Variants in POLA1 observed in about 807,000 individuals in gnomAD.
POLA1 encodes the protein DNA polymerase alpha 1, catalytic subunit, also known as DNA polymerase alpha catalytic subunit.
A neutral mutation model predicts 124.0 loss-of-function variants in POLA1; 15 were observed. The ratio of observed to expected loss-of-function variants is 0.12; its 90% CI spans 0.08 to 0.19. The LOEUF (loss-of-function observed/expected upper bound fraction) is 0.19. Among genes scored for constraint, POLA1 ranks in the 10% least tolerant of loss-of-function variants. The pLI, the probability that POLA1 is intolerant of heterozygous loss-of-function variation, is 1.00. For synonymous variants in POLA1, 408 were observed against 389.4 expected (o/e 1.05, Z -0.56); for missense variants, 886 against 1,103.4 (o/e 0.80, Z 2.79).
At chrX:24,831,805 A>G (rs763111824) in intron 32 of POLA1, among the ~76,000 whole-genome samples, 2 of 112,609 alleles carry the variant, frequency 1.8e-5, no homozygotes, top group Admixed American at 1.9e-4. Flanking sequence ...GTTAAAGGAA[A>G]TCTTATCAGC....
intron 36 of POLA1, among the ~76,000 whole-genome samples, chrX:24,948,688 A>C (rs2047997468): frequency 8.9e-6 from 1 of 112,703 alleles, no homozygotes; most frequent in South Asian, 3.6e-4. Context: ...TCAATATAAT[A>C]GAAACCTTTT....
chrX:24,775,074 GTTTT>G (rs202004787), intron 26 of POLA1: 4 of 108,636 alleles, frequency 3.7e-5, no homozygotes, highest in Non-Finnish European at 7.7e-5. Flanking sequence ...TAAATTATGT[GTTTT>G]TTTTTCTTTT....
At chrX:24,716,295 G>A in intron 6 of POLA1, 67 bp from the exon 7 acceptor site, 1 of 577,202 alleles carries the variant, frequency 1.7e-6, no homozygotes, top group East Asian at 3.3e-5. Flanking sequence ...AATGAGTGAA[G>A]AAGTATACTT....
intron 33 of POLA1, 184 bp downstream of exon 33, chrX:24,842,014 C>G (rs1396458657): frequency 2.7e-6 from 1 of 375,789 alleles, no homozygotes; most frequent in Non-Finnish European, 4.5e-6. Flanking sequence ...TTTGAAAACT[C>G]TTACTTGAAT....
chrX:24,750,021 T>C (rs1396309839), intron 26 of POLA1, among the ~76,000 whole-genome samples: 3 of 112,190 alleles, frequency 2.7e-5, no homozygotes, highest in Non-Finnish European at 5.6e-5. Flanking sequence ...CTGAATGCTC[T>C]AGAGCAGTGG....
rs1569317038 is a variant in POLA1 at position 24,801,920 on chromosome X, G to GTGT, written c.2965-7978_2965-7977insTGT. Reference sequence around the variant, plus strand: ...AGAAACAGAGCCACTAGGAGAGGTGGGTGGGTGTGTGTGTGTGTGTGTGTG... The same window carrying GTGT: ...AGAAACAGAGCCACTAGGAGAGGTGGTGTGTGGGTGTGTGTGTGTGTGTGTGTG... On this transcript the variant is annotated intron_variant, in intron 26 of 36. Coordinates refer to ENST00000379068, the MANE Select transcript of POLA1 (RefSeq NM_001330360.2). 8.2e-4 allele frequency among the ~76,000 whole-genome samples: 39 copies of GTGT among 47,509 alleles called. 1 individual carries two copies. The highest frequency in any genetic ancestry group is 3.9e-3 in the African/African-American group (36 of 9,291). The allele number at this position is 47,509 out of a possible 115,157, so 41.3% of individuals were successfully genotyped here.
chrX:24,986,811 T>C (rs1332266273), intron 36 of POLA1, among the ~76,000 whole-genome samples: 1 of 110,503 alleles, frequency 9.0e-6, no homozygotes, highest in East Asian at 2.8e-4. Context: ...TCACTCTGCT[T>C]TCTCAGATTT....
At chrX:24,869,784 T>A (rs955097574) in intron 34 of POLA1, among the ~76,000 whole-genome samples, 2 of 110,927 alleles carry the variant, frequency 1.8e-5, no homozygotes, top group Non-Finnish European at 3.8e-5. Context: ...ACAAACTTTT[T>A]GTCCTCTTAT....
In POLA1 at chrX:24,753,133, C is replaced by G. The variant is rs1328628095; in HGVS notation, c.2964+4141C>G. Among the ~76,000 whole-genome samples, 51 of 108,495 alleles carry G rather than the reference C, an allele frequency of 4.7e-4. 2 individuals carry two copies. Among genetic ancestry groups the G allele is most frequent in the Non-Finnish European group, 1.7e-4 (9 of 52,394 alleles). 94.2% of individuals were successfully genotyped at this position (108,495 alleles called of 115,157 possible). ...TTCACGCCATTCTACTCTCCCTCAG[C>G]CTCCCGAGTAGCTGGGACTACACTA... On this transcript the variant is annotated intron_variant, in intron 26 of 36. Coordinates refer to ENST00000379068, the MANE Select transcript of POLA1 (RefSeq NM_001330360.2).
chrX:24,854,820 C>T (rs1422854981), intron 34 of POLA1, among the ~76,000 whole-genome samples: 38 of 106,505 alleles, frequency 3.6e-4, no homozygotes, highest in African/African-American at 1.2e-3. Context: ...CAGAGTGGGA[C>T]TCCATCTCAA....
Position 24,715,107 on chromosome X carries a change from G to C in POLA1, c.463-34G>C, listed in dbSNP as rs994223059. 6.8e-6 allele frequency: 7 copies of C among 1,031,457 alleles called. No homozygotes were observed. The African/African-American group carries it at 7.4e-5, about 11-fold the overall frequency. 85.0% of individuals were successfully genotyped at this position (1,031,457 alleles called of 1,213,427 possible). On this transcript the variant is annotated intron_variant, in intron 5 of 36. Coordinates refer to ENST00000379068, the MANE Select transcript of POLA1 (RefSeq NM_001330360.2). ...TTTGGTGAGACATTTTAAGTGCAAG[G>C]CTTTCTCATGTTACCTTTCTTTATC...
intron 26 of POLA1, among the ~76,000 whole-genome samples, chrX:24,786,052 A>G (rs1437999127): frequency 8.9e-6 from 1 of 112,493 alleles, no homozygotes; most frequent in Non-Finnish European, 1.9e-5. Context: ...TTTATGGCCA[A>G]ATAATATATT....
chrX:24,802,430 A>G (rs1231081310), intron 26 of POLA1, among the ~76,000 whole-genome samples: 1 of 111,899 alleles, frequency 8.9e-6, no homozygotes, highest in African/African-American at 3.3e-5. Context: ...TTGAAGGTGC[A>G]TGTAGGAAGT....
In POLA1 at chrX:24,693,977, G is replaced by A. The variant is rs1927786590; in HGVS notation, c.16G>A (p.Gly6Ser). Reference sequence around the variant, plus strand: ...ATTCGGGACCATGGCACCTGTGCACGGCGACGACTGTGAGATAGGGGCGAG... The same window carrying A: ...ATTCGGGACCATGGCACCTGTGCACAGCGACGACTGTGAGATAGGGGCGAG... MAPVH[G>S]DDCEIGASAL... is the part of the protein sequence containing the mutation. The change falls in exon 1 of 37, where the codon GGC becomes AGC. Residue 6 changes from glycine to serine, a missense_variant. Gly to Ser is a moderately conservative substitution (Grantham distance 56). Around this residue, in one of 7 missense-constraint regions of POLA1, gnomAD observed 49 missense variants for 39.2 expected, o/e 1.25. Transcript: ENST00000379068. The A allele has an allele frequency of 4.2e-6, 5 of 1,194,479 alleles. No individual in the cohort carries two copies. Among genetic ancestry groups the A allele is most frequent in the Non-Finnish European group, 5.6e-6 (5 of 886,521 alleles).
intron 26 of POLA1, among the ~76,000 whole-genome samples, chrX:24,773,401 C>T (rs1232112262): frequency 2.7e-5 from 3 of 111,757 alleles, no homozygotes; most frequent in Non-Finnish European, 5.6e-5. Context: ...AGGTATGCCA[C>T]AAAGTGAGAA....
intron 34 of POLA1, among the ~76,000 whole-genome samples, chrX:24,873,612 G>C (rs2046896478): frequency 9.0e-6 from 1 of 111,655 alleles, no homozygotes; most frequent in Non-Finnish European, 1.9e-5. Flanking sequence ...ATTTAGAACA[G>C]TGTATATGAT....
chrX:24,843,542 G>A lies in POLA1; in HGVS notation c.3916-4G>A, dbSNP rs1601795343. 3.4e-6 allele frequency: 4 copies of A among 1,175,764 alleles called. No individual in the cohort carries two copies. On this transcript the variant is annotated splice_region_variant and splice_polypyrimidine_tract_variant and intron_variant, in intron 33 of 36. Transcript: ENST00000379068. The stretch of plus-strand genomic sequence containing the variant: ...TTTTTGTATACTTCTCCTGACTTAT[G>A]TAGGGAACAGATATGGAGCCCAGCT...
intron 36 of POLA1, among the ~76,000 whole-genome samples, chrX:24,947,748 A>G (rs1473472138): frequency 8.9e-6 from 1 of 112,432 alleles, no homozygotes; most frequent in East Asian, 2.8e-4. Context: ...CTTATCACCC[A>G]TGTGACTTTC....
chrX:24,881,957 A>G (rs1212941207), intron 34 of POLA1, among the ~76,000 whole-genome samples: 2 of 111,507 alleles, frequency 1.8e-5, no homozygotes, highest in Non-Finnish European at 3.8e-5. Flanking sequence ...TAAGGATTTG[A>G]AAGCCAGGCC....
Sources: allele counts gnomAD v4.1 joint callset (sites outside exome capture counted in the v4.1 genomes callset), GRCh38; gene constraint gnomAD v4.1.1; regional missense constraint gnomAD v4.1.1; transcripts MANE v1.5; gene names NCBI Gene and HGNC (gene_info 2026-07-23, HGNC 2026-07-21).